KLF7: variants seen among roughly 807,000 people sequenced by gnomAD.
KLF7 encodes the protein KLF transcription factor 7.
KLF7 carries 2 observed loss-of-function variants against 27.3 expected under a neutral mutation model. The observed-to-expected ratio is 0.07, with a 90% CI of 0.03 to 0.23. The LOEUF (loss-of-function observed/expected upper bound fraction) is 0.23. KLF7 is among the 10% of genes least tolerant of loss of function. The pLI, the probability that KLF7 is intolerant of heterozygous loss-of-function variation, is 1.00. For synonymous variants in KLF7, 165 were observed against 162.4 expected (o/e 1.02, Z -0.12); for missense variants, 221 against 394.1 (o/e 0.56, Z 3.72).
intron 1 of KLF7, among the ~76,000 whole-genome samples, chr2:207,134,487 A>G (rs184327643): frequency 6.6e-6 from 1 of 152,218 alleles, no homozygotes; most frequent in African/African-American, 2.4e-5. Flanking sequence ...GTTAAAGACA[A>G]GGTGGGGGCG....
At chr2:207,156,632 C>T (rs892959701) in intron 1 of KLF7, among the ~76,000 whole-genome samples, 2 of 152,178 alleles carry the variant, frequency 1.3e-5, no homozygotes, top group African/African-American at 4.8e-5. Context: ...GGAATTTGAC[C>T]AGGTTAAGCA....
intron 2 of KLF7, among the ~76,000 whole-genome samples, chr2:207,100,342 T>A (rs1434104245): frequency 2.0e-5 from 3 of 152,216 alleles, no homozygotes; most frequent in African/African-American, 7.2e-5. Flanking sequence ...TTTTAGAGAC[T>A]AAATTTCCCC....
intron 2 of KLF7, among the ~76,000 whole-genome samples, chr2:207,101,540 C>T (rs2076765280): frequency 1.3e-5 from 2 of 152,174 alleles, no homozygotes; most frequent in East Asian, 3.9e-4. Flanking sequence ...AGTGGTTTAT[C>T]ATCCTGAGGT....
At chr2:207,126,336 A>T (rs1471633672) in intron 1 of KLF7, among the ~76,000 whole-genome samples, 1 of 152,184 alleles carries the variant, frequency 6.6e-6, no homozygotes, top group African/African-American at 2.4e-5. Flanking sequence ...TTTCTGAATC[A>T]TCACCTACCA....
chr2:207,137,088 TC>T (rs1351247151), intron 1 of KLF7, among the ~76,000 whole-genome samples: 2 of 148,940 alleles, frequency 1.3e-5, no homozygotes, highest in Non-Finnish European at 3.0e-5. Flanking sequence ...CCCTCCCCTC[TC>T]CTCACCTGCA....
chr2:207,119,790 G>A (rs4675647), intron 2 of KLF7, among the ~76,000 whole-genome samples: 86,433 of 151,900 alleles, frequency 0.57, 26,088 homozygotes, highest in Admixed American at 0.67. Context: ...TGCAACCTCC[G>A]CCTCCTGGGG....
In KLF7 at chr2:207,157,219, T is replaced by TGAA. The variant is rs1491268311; in HGVS notation, c.102+8247_102+8248insTTC. ...CAAGAAAAATGACACAACAGAAAAG[T>TGAA]AAAAAAAAAAAAAAAAAAAAAAGAA... On this transcript the variant is annotated intron_variant, in intron 1 of 3. Transcript: ENST00000309446. 3.5e-3 allele frequency among the ~76,000 whole-genome samples: 306 copies of TGAA among 87,298 alleles called. 4 individuals carry two copies. The South Asian group carries it at 0.053, about 15-fold the overall frequency. The allele number at this position is 87,298 out of a possible 152,430, so 57.3% of individuals were successfully genotyped here.
chr2:207,164,904 C>T (rs1382706755), intron 1 of KLF7, among the ~76,000 whole-genome samples: 2 of 152,164 alleles, frequency 1.3e-5, no homozygotes, highest in Non-Finnish European at 2.9e-5. Context: ...GGGCTCTTCT[C>T]TCTTTTGCCT....
intron 2 of KLF7, among the ~76,000 whole-genome samples, chr2:207,119,464 T>TG (rs1305463575): frequency 6.6e-6 from 1 of 151,996 alleles, no homozygotes; most frequent in Non-Finnish European, 1.5e-5. Flanking sequence ...GCATAGTTTT[T>TG]TTTTTAATAT....
At chr2:207,154,167 T>C (rs1372998797) in intron 1 of KLF7, among the ~76,000 whole-genome samples, 1 of 152,174 alleles carries the variant, frequency 6.6e-6, no homozygotes, top group African/African-American at 2.4e-5. Context: ...AAAAATCCGA[T>C]CTGAGATATT....
chr2:207,167,609 C>T (rs1263681872), upstream of KLF7, among the ~76,000 whole-genome samples: 3 of 152,190 alleles, frequency 2.0e-5, no homozygotes, highest in East Asian at 5.8e-4. Context: ...TTGTTAGTGT[C>T]TGGAATTCTG....
In KLF7 at chr2:207,079,691, A is replaced by C. The variant is rs2076235733; in HGVS notation, c.*1522T>G. On this transcript the variant is annotated 3_prime_UTR_variant, in exon 4 of 4. Coordinates refer to ENST00000309446, the MANE Select transcript of KLF7 (RefSeq NM_003709.4). ...CTCCTTTGGAGTCAGCTTGCAGAGT[A>C]AATGTGAGGCCTCTGTTAATCCTGG... 6.6e-6 allele frequency: 1 copy of C among 152,124 alleles called. No individual in the cohort carries two copies. Among genetic ancestry groups the C allele is most frequent in the Admixed American group, 6.6e-5 (1 of 15,262 alleles). The allele number at this position is 152,124 out of a possible 1,614,324, so 9.4% of individuals were successfully genotyped here. A position where few individuals can be genotyped will look rare whatever the true frequency, so the allele number is the denominator to read the frequency against.
intron 2 of KLF7, among the ~76,000 whole-genome samples, chr2:207,119,861 C>T (rs2077290411): frequency 1.3e-5 from 2 of 152,094 alleles, no homozygotes; most frequent in Admixed American, 6.5e-5. Flanking sequence ...GCGCCACACG[C>T]CCAGCTAATT....
intron 1 of KLF7, among the ~76,000 whole-genome samples, chr2:207,134,925 G>A (rs1439400562): frequency 6.6e-6 from 1 of 152,186 alleles, no homozygotes; most frequent in East Asian, 1.9e-4. Flanking sequence ...TGGAAGGGCT[G>A]GGCATGCACA....
At chr2:207,083,271 C>T (rs1187470047) in intron 3 of KLF7, among the ~76,000 whole-genome samples, 1 of 152,120 alleles carries the variant, frequency 6.6e-6, no homozygotes, top group Non-Finnish European at 1.5e-5. Flanking sequence ...CTCAGTATTG[C>T]CCACTGCCTG....
chr2:207,170,490 C>T (rs562533698), upstream of KLF7, among the ~76,000 whole-genome samples: 4 of 152,128 alleles, frequency 2.6e-5, no homozygotes, highest in Non-Finnish European at 4.4e-5. Context: ...GATGATGCAG[C>T]CTTCCATTGA....
upstream of KLF7, among the ~76,000 whole-genome samples, chr2:207,168,430 T>G (rs2078760296): frequency 6.6e-6 from 1 of 152,084 alleles, no homozygotes; most frequent in Non-Finnish European, 1.5e-5. Flanking sequence ...AAATACTAAG[T>G]AAGTTGGTCA....
upstream of KLF7, among the ~76,000 whole-genome samples, chr2:207,171,726 A>C (rs1559180351): frequency 6.6e-6 from 1 of 152,192 alleles, no homozygotes; most frequent in African/African-American, 2.4e-5. Context: ...AGGTATGTAC[A>C]TTGTTTTTTC....
chr2:207,130,515 G>A (rs2077601617), intron 1 of KLF7, among the ~76,000 whole-genome samples: 3 of 152,142 alleles, frequency 2.0e-5, no homozygotes. Context: ...TTCTCATATG[G>A]CAGATATGTC....
Sources: gnomAD v4.1 joint callset for allele counts (sites outside exome capture counted in the v4.1 genomes callset) on GRCh38, gnomAD v4.1.1 for gene constraint, MANE v1.5 for transcripts, NCBI Gene and HGNC (gene_info 2026-07-23, HGNC 2026-07-21) for gene names.